Variants in NXPH2 observed in about 807,000 individuals in gnomAD.
The protein encoded by NXPH2 is neurexophilin 2.
NXPH2 carries 5 observed loss-of-function variants against 19.8 expected under a neutral mutation model. The observed-to-expected ratio is 0.25, with a 90% CI of 0.13 to 0.53. The LOEUF is 0.53. Ranked by LOEUF, NXPH2 falls within the 20% of genes least tolerant of loss-of-function variation. The pLI is 0.96. For synonymous variants in NXPH2, 154 were observed against 127.4 expected, an observed-to-expected ratio of 1.21 and a Z score of -1.41; for missense variants, 289 against 322.8, an observed-to-expected ratio of 0.90 and a Z score of 0.80.
chr2:138,763,953 C>T (rs886381180), intron 1 of NXPH2, among the ~76,000 whole-genome samples: 1 of 152,142 alleles, frequency 6.6e-6, no homozygotes, highest in Non-Finnish European at 1.5e-5. Flanking sequence ...TTATCTGATG[C>T]TTACTATGAG....
chr2:138,697,697 CT>C (rs550696965), intron 1 of NXPH2, among the ~76,000 whole-genome samples: 2 of 151,368 alleles, frequency 1.3e-5, no homozygotes, highest in South Asian at 2.1e-4. Context: ...ATTAAACACA[CT>C]TTTTTTAATT....
At chr2:138,772,532 G>T (rs62163226) in intron 1 of NXPH2, among the ~76,000 whole-genome samples, 1 of 152,118 alleles carries the variant, frequency 6.6e-6, no homozygotes. Flanking sequence ...CCCGACCTCA[G>T]GTGATCTCCC....
intron 1 of NXPH2, among the ~76,000 whole-genome samples, chr2:138,675,489 A>G (rs753936582): frequency 3.3e-5 from 5 of 152,094 alleles, no homozygotes; most frequent in Non-Finnish European, 7.4e-5. Flanking sequence ...TTCCATTGTG[A>G]TGGTTCTGAG....
intron 1 of NXPH2, among the ~76,000 whole-genome samples, chr2:138,696,516 C>T (rs1408016114): frequency 1.3e-5 from 2 of 152,148 alleles, no homozygotes; most frequent in Admixed American, 6.6e-5. Flanking sequence ...TCTCATTAGT[C>T]ATCAGGGAAA....
At chr2:138,755,634 A>C (rs979219451) in intron 1 of NXPH2, among the ~76,000 whole-genome samples, 5 of 152,050 alleles carry the variant, frequency 3.3e-5, no homozygotes, top group African/African-American at 1.2e-4. Flanking sequence ...TTTGTTTCTC[A>C]GTATTATGTT....
rs1314690708 is a variant in NXPH2 at position 138,780,255 on chromosome 2, G to T, written c.-14C>A. The T allele has an allele frequency of 7.0e-6, 10 of 1,424,850 alleles. No individual in the cohort carries two copies. Among genetic ancestry groups the T allele is most frequent in the Non-Finnish European group, 8.2e-6 (9 of 1,100,104 alleles). 88.3% of individuals were successfully genotyped at this position (1,424,850 alleles called of 1,614,324 possible). A position where few individuals can be genotyped will look rare whatever the true frequency, so the allele number is the denominator to read the frequency against. ...CCGCAGGCGCATGGTGCCGGCTGGC[G>T]CGGCTTTTCACGAGCTGCGCGCCCT... is the stretch of plus-strand genomic sequence containing the variant. On this transcript the variant is annotated 5_prime_UTR_variant, in exon 1 of 2. Transcript: ENST00000272641.
chr2:138,746,677 C>G (rs1681740930), intron 1 of NXPH2, among the ~76,000 whole-genome samples: 2 of 152,162 alleles, frequency 1.3e-5, no homozygotes, highest in Admixed American at 1.3e-4. Flanking sequence ...CTACTGCTCT[C>G]TCTTGCTCAT....
chr2:138,697,760 AATAG>A (rs915413464), intron 1 of NXPH2, among the ~76,000 whole-genome samples: 32 of 152,004 alleles, frequency 2.1e-4, no homozygotes, highest in Non-Finnish European at 4.3e-4. Flanking sequence ...ATAATAAACT[AATAG>A]ATAAATAATC....
At chr2:138,678,634 C>A (rs1217431178) in intron 1 of NXPH2, among the ~76,000 whole-genome samples, 1 of 152,112 alleles carries the variant, frequency 6.6e-6, no homozygotes, top group Non-Finnish European at 1.5e-5. Flanking sequence ...GTTAATGTGT[C>A]TGTCATCACC....
At chr2:138,732,852 G>C (rs1196170260) in intron 1 of NXPH2, among the ~76,000 whole-genome samples, 2 of 151,978 alleles carry the variant, frequency 1.3e-5, no homozygotes, top group African/African-American at 4.8e-5. Context: ...TGCTGATTAA[G>C]CACATTATGG....
At chr2:138,698,783 A>T (rs1257217560) in intron 1 of NXPH2, among the ~76,000 whole-genome samples, 3 of 152,092 alleles carry the variant, frequency 2.0e-5, no homozygotes, top group South Asian at 4.1e-4. Flanking sequence ...GAGCCCAGGA[A>T]TTAGAGGGGG....
intron 1 of NXPH2, among the ~76,000 whole-genome samples, chr2:138,701,014 T>C (rs1680913771): frequency 6.6e-6 from 1 of 152,128 alleles, no homozygotes; most frequent in Admixed American, 6.6e-5. Flanking sequence ...GGAAGAATTA[T>C]AAATCTGGTA....
intron 1 of NXPH2, among the ~76,000 whole-genome samples, chr2:138,716,741 G>T (rs575005451): frequency 1.3e-5 from 2 of 152,134 alleles, no homozygotes; most frequent in African/African-American, 4.8e-5. Context: ...AGTGAAAAGC[G>T]GCATGACACA....
At chr2:138,771,207 T>C (rs1040885548) in intron 1 of NXPH2, among the ~76,000 whole-genome samples, 1 of 152,146 alleles carries the variant, frequency 6.6e-6, no homozygotes, top group African/African-American at 2.4e-5. Flanking sequence ...AAAGATTAAA[T>C]ATATTATGGC....
chr2:138,724,035 C>T (rs1681319606), intron 1 of NXPH2, among the ~76,000 whole-genome samples: 1 of 151,394 alleles, frequency 6.6e-6, no homozygotes, highest in African/African-American at 2.4e-5. Flanking sequence ...TATTTCATCA[C>T]CCAGGTATTA....
intron 1 of NXPH2, among the ~76,000 whole-genome samples, chr2:138,710,233 A>T (rs1262415295): frequency 6.6e-6 from 1 of 152,196 alleles, no homozygotes; most frequent in Non-Finnish European, 1.5e-5. Flanking sequence ...CCGTAAATAT[A>T]TCAGAACTCC....
intron 1 of NXPH2, among the ~76,000 whole-genome samples, chr2:138,741,266 G>A (rs1236933481): frequency 1.3e-5 from 2 of 152,172 alleles, no homozygotes; most frequent in African/African-American, 4.8e-5. Flanking sequence ...TTCAGTTACT[G>A]TCTCTGGCCA....
chr2:138,705,810 A>C (rs4130934), intron 1 of NXPH2, among the ~76,000 whole-genome samples: 103,403 of 151,946 alleles, frequency 0.68, 35,411 homozygotes, highest in South Asian at 0.78. Context: ...TTCATAAAAT[A>C]AACATTCATA....
intron 1 of NXPH2, among the ~76,000 whole-genome samples, chr2:138,706,600 GA>G (rs1282875110): frequency 1.2e-4 from 19 of 152,134 alleles, no homozygotes; most frequent in African/African-American, 4.3e-4. Flanking sequence ...ATATGAATGA[GA>G]AAAAAGTTGT....
Sources: allele counts gnomAD v4.1 joint callset (sites outside exome capture counted in the v4.1 genomes callset), GRCh38; gene constraint gnomAD v4.1.1; transcripts MANE v1.5; gene names NCBI Gene and HGNC (gene_info 2026-07-23, HGNC 2026-07-21).